The following FAM227B variants were observed in gnomAD, a reference collection of about 807,000 sequenced individuals.
FAM227B encodes the protein family with sequence similarity 227 member B.
Under a neutral mutation model 73.8 loss-of-function variants are expected in FAM227B, and 88 were observed. The observed-to-expected ratio is 1.19, with a 90% CI of 1.00 to 1.42. FAM227B has a LOEUF of 1.42. Among genes scored for constraint, FAM227B ranks in the 40% most tolerant of loss-of-function variants. The pLI is 0.00. For missense variants in FAM227B, 632 were observed against 590.9 expected (o/e 1.07, Z -0.72); for synonymous variants, 210 against 190.5 (o/e 1.10, Z -0.84).
At chr15:49,581,235 G>T (rs1443202909) in intron 5 of FAM227B, among the ~76,000 whole-genome samples, 2 of 151,998 alleles carry the variant, frequency 1.3e-5, no homozygotes, top group African/African-American at 4.8e-5. Flanking sequence ...GAGAAGGGCA[G>T]GTAAACCTAC....
In FAM227B at chr15:49,359,385, T is replaced by G. The variant is rs1272728070; in HGVS notation, c.1271+8063A>C. Among the ~76,000 whole-genome samples the G allele has an allele frequency of 2.5e-5, 3 of 118,556 alleles. 1 individual carries two copies. The highest frequency in any genetic ancestry group is 5.5e-5 in the Non-Finnish European group (3 of 54,182). 77.8% of individuals were successfully genotyped at this position (118,556 alleles called of 152,430 possible). ...AGAATCTACAATAAACTCAAACAAATTTACAAGAAAAAAACAAACAACCCC... is the reference window on the plus strand; with the variant it reads ...AGAATCTACAATAAACTCAAACAAAGTTACAAGAAAAAAACAAACAACCCC... On this transcript the variant is annotated intron_variant, in intron 13 of 15. Coordinates refer to ENST00000299338, the MANE Select transcript of FAM227B (RefSeq NM_152647.3).
At chr15:49,516,532 T>C (rs1457710574) in intron 10 of FAM227B, among the ~76,000 whole-genome samples, 1 of 151,958 alleles carries the variant, frequency 6.6e-6, no homozygotes, top group Non-Finnish European at 1.5e-5. Flanking sequence ...TGATTTTTGG[T>C]AGAAGGGAGG....
intron 13 of FAM227B, chr15:49,366,812 G>A (rs2045295758): frequency 1.8e-6 from 1 of 554,200 alleles, no homozygotes; most frequent in African/African-American, 2.0e-5. Flanking sequence ...GCTGCTGCAG[G>A]GGCCGCCACT....
intron 10 of FAM227B, among the ~76,000 whole-genome samples, chr15:49,513,681 T>C (rs2059174898): frequency 6.6e-6 from 1 of 152,202 alleles, no homozygotes; most frequent in Non-Finnish European, 1.5e-5. Flanking sequence ...CATGCCTATG[T>C]CCTGAATGGT....
rs183175742 is a variant in FAM227B at position 49,491,652 on chromosome 15, A to T, written c.1012+16559T>A. Among the ~76,000 whole-genome samples the T allele has an allele frequency of 2.0e-5, 3 of 151,604 alleles. No homozygotes were observed. In the East Asian group the frequency reaches 5.8e-4, roughly 29 times the overall value. The stretch of plus-strand genomic sequence containing the variant: ...CCAAACTTGCCCCTGCCTTATAACA[A>T]TTTTTTTCCTTCTCTGAATCCTATT... On this transcript the variant is annotated intron_variant, in intron 11 of 15. Coordinates refer to ENST00000299338, the MANE Select transcript of FAM227B (RefSeq NM_152647.3).
intron 13 of FAM227B, among the ~76,000 whole-genome samples, chr15:49,355,029 C>A (rs1435682883): frequency 6.6e-6 from 1 of 151,258 alleles, no homozygotes; most frequent in Non-Finnish European, 1.5e-5. Flanking sequence ...AGCTGAGGGT[C>A]CTCTCTGTTA....
At chr15:49,461,002 TATTC>T (rs1567320736) in intron 11 of FAM227B, among the ~76,000 whole-genome samples, 1 of 152,182 alleles carries the variant, frequency 6.6e-6, no homozygotes, top group African/African-American at 2.4e-5. Context: ...GAATGAGTGA[TATTC>T]ATCTTGTGGG....
At chr15:49,537,046 C>A (rs2070376915) in intron 10 of FAM227B, among the ~76,000 whole-genome samples, 1 of 152,028 alleles carries the variant, frequency 6.6e-6, no homozygotes, top group African/African-American at 2.4e-5. Context: ...GCTTGGGCTA[C>A]AATAGCAAAA....
At chr15:49,571,155 A>G (rs895557695) in intron 8 of FAM227B, among the ~76,000 whole-genome samples, 4 of 151,552 alleles carry the variant, frequency 2.6e-5, no homozygotes, top group Non-Finnish European at 4.4e-5. Context: ...ACTTCATACT[A>G]TTTTCCAAAA....
At chr15:49,570,870 CAT>C (rs1035410118) in intron 8 of FAM227B, among the ~76,000 whole-genome samples, 4 of 146,996 alleles carry the variant, frequency 2.7e-5, no homozygotes, top group Admixed American at 1.4e-4. Flanking sequence ...TTAAATATTA[CAT>C]ATGCATTTAT....
At chr15:49,343,466 C>G (rs551739064) in intron 13 of FAM227B, 1 of 152,174 alleles carries the variant, frequency 6.6e-6, no homozygotes, top group African/African-American at 2.4e-5. Flanking sequence ...ACTCTAGTGC[C>G]TGTGTTTAAG....
At chr15:49,497,807 C>CA in intron 11 of FAM227B, among the ~76,000 whole-genome samples, 1 of 152,294 alleles carries the variant, frequency 6.6e-6, no homozygotes, top group South Asian at 2.1e-4. Flanking sequence ...TCAATGGAGG[C>CA]TGTGTTTCTT....
chr15:49,597,643 CAACA>C (rs2076957987), intron 3 of FAM227B, among the ~76,000 whole-genome samples: 1 of 151,808 alleles, frequency 6.6e-6, no homozygotes, highest in South Asian at 2.1e-4. Flanking sequence ...GAAATTGAAG[CAACA>C]AAGACAAGAC....
chr15:49,453,491 C>T (rs2052974933), intron 11 of FAM227B, among the ~76,000 whole-genome samples: 1 of 152,134 alleles, frequency 6.6e-6, no homozygotes, highest in Non-Finnish European at 1.5e-5. Context: ...CTTTACAACA[C>T]ACCTTAATTC....
chr15:49,509,585 ACTTT>A, intron 10 of FAM227B, among the ~76,000 whole-genome samples: 1 of 26,558 alleles, frequency 3.8e-5, no homozygotes, highest in Admixed American at 8.6e-4. Flanking sequence ...TTTCACTGTT[ACTTT>A]TTTTTTTTTT....
intron 9 of FAM227B, among the ~76,000 whole-genome samples, chr15:49,557,826 T>C (rs370675348): frequency 4.3e-4 from 65 of 152,306 alleles, no homozygotes; most frequent in Middle Eastern, 6.8e-3. Flanking sequence ...AGAAGAACCA[T>C]TGAAGCCCAC....
chr15:49,614,735 CCTCA>C (rs2078178318), intron 2 of FAM227B: 1 of 201,552 alleles, frequency 5.0e-6, no homozygotes. Context: ...CCTCTAGACT[CCTCA>C]CCATCACCCA....
intron 10 of FAM227B, among the ~76,000 whole-genome samples, chr15:49,518,319 T>C (rs964065616): frequency 2.0e-5 from 3 of 152,142 alleles, no homozygotes; most frequent in Non-Finnish European, 4.4e-5. Flanking sequence ...CTGCCTATGG[T>C]GGTTGAATGC....
chr15:49,546,834 T>G (rs1444160210), intron 9 of FAM227B, among the ~76,000 whole-genome samples: 1 of 152,068 alleles, frequency 6.6e-6, no homozygotes, highest in African/African-American at 2.4e-5. Context: ...ATGGGGAGAA[T>G]AGAACCAAGT....
Sources: allele counts gnomAD v4.1 joint callset (sites outside exome capture counted in the v4.1 genomes callset), GRCh38; gene constraint gnomAD v4.1.1; transcripts MANE v1.5; gene names NCBI Gene and HGNC (gene_info 2026-07-23, HGNC 2026-07-21).